C13orf42: variants seen among roughly 807,000 people sequenced by gnomAD.
C13orf42 encodes uncharacterized protein C13orf42.
intron 1 of C13orf42, among the ~76,000 whole-genome samples, chr13:51,167,483 C>G (rs1204262201): frequency 6.6e-6 from 1 of 152,156 alleles, no homozygotes; most frequent in East Asian, 1.9e-4. Flanking sequence ...CCCCAGATCC[C>G]TCCCAAAAAC....
intron 1 of C13orf42, among the ~76,000 whole-genome samples, chr13:51,151,531 C>T (rs1953777659): frequency 6.6e-6 from 1 of 152,216 alleles, no homozygotes; most frequent in South Asian, 2.1e-4. Flanking sequence ...TGCTTTAAGC[C>T]ACTAAGTTGG....
intron 1 of C13orf42, among the ~76,000 whole-genome samples, chr13:51,151,045 T>C (rs1953774340): frequency 6.6e-6 from 1 of 152,136 alleles, no homozygotes; most frequent in Non-Finnish European, 1.5e-5. Context: ...ACAAATTCAC[T>C]CTATAGACAC....
intron 1 of C13orf42, among the ~76,000 whole-genome samples, chr13:51,158,816 A>G (rs914739932): frequency 6.6e-6 from 1 of 152,232 alleles, no homozygotes; most frequent in African/African-American, 2.4e-5. Context: ...AACTGATTGC[A>G]CCAGCCAGTT....
intron 1 of C13orf42, among the ~76,000 whole-genome samples, chr13:51,169,414 G>A (rs1436807321): frequency 6.9e-6 from 1 of 145,768 alleles, no homozygotes; most frequent in African/African-American, 2.4e-5. Context: ...CAGCTATGTG[G>A]TAGAAAAGAA....
At chr13:51,146,116 T>A (rs1371956522) in intron 1 of C13orf42, among the ~76,000 whole-genome samples, 1 of 152,186 alleles carries the variant, frequency 6.6e-6, no homozygotes, top group Non-Finnish European at 1.5e-5. Context: ...AAATCTCATG[T>A]TAAATGTTCT....
intron 1 of C13orf42, among the ~76,000 whole-genome samples, chr13:51,104,640 A>C (rs1420948098): frequency 2.0e-5 from 3 of 152,218 alleles, no homozygotes; most frequent in African/African-American, 7.2e-5. Context: ...ACTAAAATAA[A>C]GCTTAAATTC....
At chr13:51,151,934 C>T (rs1487562365) in intron 1 of C13orf42, among the ~76,000 whole-genome samples, 2 of 152,164 alleles carry the variant, frequency 1.3e-5, no homozygotes, top group Non-Finnish European at 2.9e-5. Context: ...ACCCTTGATC[C>T]TCAAAGTATG....
intron 1 of C13orf42, among the ~76,000 whole-genome samples, chr13:51,094,762 A>G (rs759577457): frequency 7.2e-5 from 11 of 152,116 alleles, no homozygotes; most frequent in Non-Finnish European, 1.6e-4. Context: ...AACTCTGTTG[A>G]TAAGTATTAT....
rs1953105236 is a variant in C13orf42 at position 51,084,845 on chromosome 13, A to C, written c.803+474T>G. Among the ~76,000 whole-genome samples, 3 of 152,170 alleles carry C rather than the reference A, an allele frequency of 2.0e-5. No homozygotes were observed. The South Asian group carries it at 6.2e-4, about 31-fold the overall frequency. ...GAGACAGGCCAGAGGAGATGGTGGT[A>C]AGATGGCCCAAGAGGGGCCTGGCCA... On this transcript the variant is annotated intron_variant, in intron 3 of 3. Coordinates refer to ENST00000563710, the MANE Select transcript of C13orf42 (RefSeq NM_001351589.3).
intron 1 of C13orf42, among the ~76,000 whole-genome samples, chr13:51,123,526 A>T (rs1239738018): frequency 1.3e-5 from 2 of 152,224 alleles, no homozygotes; most frequent in African/African-American, 4.8e-5. Flanking sequence ...ATGTGCCTGG[A>T]GGAGAGCCAG....
chr13:51,140,839 T>C (rs1219195764), intron 1 of C13orf42, among the ~76,000 whole-genome samples: 1 of 152,098 alleles, frequency 6.6e-6, no homozygotes, highest in Non-Finnish European at 1.5e-5. Context: ...GACCCATCAC[T>C]AGGTAAAAAA....
At chr13:51,143,607 G>A (rs112307568) in intron 1 of C13orf42, among the ~76,000 whole-genome samples, 28 of 152,206 alleles carry the variant, frequency 1.8e-4, no homozygotes, top group Admixed American at 8.5e-4. Flanking sequence ...GAAGGTTTTC[G>A]CTTTTTTGAA....
chr13:51,135,750 G>C (rs1412238842), intron 1 of C13orf42, among the ~76,000 whole-genome samples: 5 of 151,898 alleles, frequency 3.3e-5, no homozygotes, highest in African/African-American at 1.2e-4. Context: ...CCCCACCCTG[G>C]CTTGGCAAGA....
intron 1 of C13orf42, among the ~76,000 whole-genome samples, chr13:51,135,636 G>A (rs1953651748): frequency 6.7e-6 from 1 of 150,106 alleles, no homozygotes; most frequent in Non-Finnish European, 1.5e-5. Context: ...CTGGGCAACA[G>A]AGCAAGACCC....
upstream of C13orf42, among the ~76,000 whole-genome samples, chr13:51,114,966 C>T (rs1460289944): frequency 6.6e-6 from 1 of 152,078 alleles, no homozygotes; most frequent in Non-Finnish European, 1.5e-5. Context: ...AACCATATCA[C>T]TTTGTATATC....
At position 51,083,097 on chromosome 13, in the gene C13orf42, T is replaced by G. The variant is rs1953082083; in HGVS notation, c.*1054A>C. The G allele has an allele frequency of 6.6e-6, 1 of 152,196 alleles. No individual in the cohort carries two copies. The highest frequency in any genetic ancestry group is 2.1e-4 in the South Asian group (1 of 4,822). 9.4% of individuals were successfully genotyped at this position (152,196 alleles called of 1,614,324 possible). ...GTTTTTTGTCTCTCTCCCTTCCTTC[T>G]GCCCAAAGACCCTTATACATGCACA... On this transcript the variant is annotated 3_prime_UTR_variant, in exon 4 of 4. Coordinates refer to ENST00000563710, the MANE Select transcript of C13orf42 (RefSeq NM_001351589.3).
At chr13:51,087,159 G>T (rs1953136850) in intron 2 of C13orf42, among the ~76,000 whole-genome samples, 1 of 152,182 alleles carries the variant, frequency 6.6e-6, no homozygotes, top group African/African-American at 2.4e-5. Flanking sequence ...GGAATGTAAA[G>T]GGTGCTCAAC....
intron 1 of C13orf42, among the ~76,000 whole-genome samples, chr13:51,102,603 A>T (rs1473650802): frequency 6.6e-6 from 1 of 152,174 alleles, no homozygotes; most frequent in African/African-American, 2.4e-5. Context: ...AGGGGTGTAT[A>T]TTTTGCAACT....
intron 1 of C13orf42, among the ~76,000 whole-genome samples, chr13:51,165,141 C>T (rs996090681): frequency 4.6e-5 from 7 of 152,162 alleles, no homozygotes; most frequent in East Asian, 1.9e-4. Flanking sequence ...GCCTTCTATT[C>T]GGGTTCAGCC....
Sources: gnomAD v4.1 joint callset for allele counts (sites outside exome capture counted in the v4.1 genomes callset) on GRCh38, gnomAD v4.1.1 for gene constraint, MANE v1.5 for transcripts, NCBI Gene and HGNC (gene_info 2026-07-23, HGNC 2026-07-21) for gene names.